The following IQUB variants were observed in gnomAD, a reference collection of about 807,000 sequenced individuals.
IQUB encodes the protein IQ motif and ubiquitin domain containing.
A neutral mutation model predicts 86.4 loss-of-function variants in IQUB; 86 were observed. The ratio of observed to expected loss-of-function variants is 1.00; its 90% confidence interval spans 0.84 to 1.19. The LOEUF (loss-of-function observed/expected upper bound fraction) is 1.19. IQUB is among the 50% of genes most tolerant of loss of function. The pLI, the probability that IQUB is intolerant of heterozygous loss-of-function variation, is 0.00. For synonymous variants in IQUB, 289 were observed against 304.5 expected, an observed-to-expected ratio of 0.95 and a Z score of 0.53; for missense variants, 946 against 916.9, an observed-to-expected ratio of 1.03 and a Z score of -0.41.
chr7:123,525,799 G>A (rs1483492070), intron 1 of IQUB, among the ~76,000 whole-genome samples: 1 of 151,690 alleles, frequency 6.6e-6, no homozygotes, highest in Non-Finnish European at 1.5e-5. Flanking sequence ...ATGTTAGGAT[G>A]TCAATTTTGG....
At chr7:123,480,461 A>G (rs964818716) in intron 7 of IQUB, among the ~76,000 whole-genome samples, 2 of 152,128 alleles carry the variant, frequency 1.3e-5, no homozygotes, top group African/African-American at 4.8e-5. Flanking sequence ...ATATGTGCCC[A>G]ACAGTGGACA....
rs185171929 is a variant in IQUB at position 123,505,063 on chromosome 7, A to C, written c.533-1700T>G. Among the ~76,000 whole-genome samples the C allele has an allele frequency of 3.0e-3, 454 of 152,346 alleles. 7 individuals are homozygous for C. Among genetic ancestry groups the C allele is most frequent in the Admixed American group, 0.026 (398 of 15,308 alleles). On this transcript the variant is annotated intron_variant, in intron 3 of 12. Coordinates refer to ENST00000324698, the MANE Select transcript of IQUB (RefSeq NM_178827.5). ...GGGCTACACATCTCATGCAAGTTCA[A>C]AACCCAGCAGGGCAGTTATTGAATC...
At chr7:123,529,645 G>A (rs1339222081) in intron 1 of IQUB, among the ~76,000 whole-genome samples, 8 of 145,538 alleles carry the variant, frequency 5.5e-5, no homozygotes, top group African/African-American at 7.6e-5. Flanking sequence ...CCAGCGCTTT[G>A]GGAGTCTAAA....
intron 1 of IQUB, among the ~76,000 whole-genome samples, chr7:123,528,348 A>T (rs572946779): frequency 4.4e-4 from 67 of 152,348 alleles, no homozygotes; most frequent in Non-Finnish European, 7.8e-4. Flanking sequence ...CCCCGAAAAA[A>T]ATACTTTTAA....
intron 3 of IQUB, among the ~76,000 whole-genome samples, chr7:123,508,941 C>T (rs1796303533): frequency 6.6e-6 from 1 of 152,108 alleles, no homozygotes; most frequent in African/African-American, 2.4e-5. Context: ...AATTAATCAC[C>T]AACACCAACA....
At chr7:123,513,652 T>G (rs1351889027) in intron 1 of IQUB, among the ~76,000 whole-genome samples, 1 of 152,152 alleles carries the variant, frequency 6.6e-6, no homozygotes, top group East Asian at 1.9e-4. Flanking sequence ...TTTTTATGTA[T>G]TATTTATTCT....
chr7:123,511,198 G>A (rs2117256733), intron 2 of IQUB, among the ~76,000 whole-genome samples: 1 of 152,146 alleles, frequency 6.6e-6, no homozygotes, highest in East Asian at 1.9e-4. Flanking sequence ...GCCAAACTAA[G>A]CTGCTGTTAT....
intron 11 of IQUB, 36 bp downstream of exon 11, chr7:123,461,321 G>A (rs1253267505): frequency 1.1e-5 from 17 of 1,563,930 alleles, no homozygotes; most frequent in Non-Finnish European, 1.5e-5. Flanking sequence ...TCCTTGACAA[G>A]CTTCAGCTAT....
At chr7:123,484,609 T>G (rs1193903510) in intron 7 of IQUB, among the ~76,000 whole-genome samples, 1 of 152,088 alleles carries the variant, frequency 6.6e-6, no homozygotes, top group Non-Finnish European at 1.5e-5. Context: ...GAGCACTAAG[T>G]TATTATTTTA....
chr7:123,489,148 C>T (rs901810223), intron 7 of IQUB, among the ~76,000 whole-genome samples: 2 of 152,162 alleles, frequency 1.3e-5, no homozygotes, highest in African/African-American at 4.8e-5. Flanking sequence ...CTATGTATAA[C>T]ATGAGAAAAC....
At chr7:123,491,042 A>C (rs1186052012) in intron 7 of IQUB, among the ~76,000 whole-genome samples, 1 of 152,164 alleles carries the variant, frequency 6.6e-6, no homozygotes, top group Non-Finnish European at 1.5e-5. Context: ...TTACAATAAA[A>C]TTAGAAATCA....
At chr7:123,453,155 A>AACTC (rs1303925792) in intron 12 of IQUB, among the ~76,000 whole-genome samples, 19 of 151,504 alleles carry the variant, frequency 1.3e-4, no homozygotes, top group Admixed American at 2.6e-4. Context: ...GCTAGTTATC[A>AACTC]ACTCAATATT....
rs557112638 is a variant in IQUB at position 123,534,555 on chromosome 7, A to T, written c.-68T>A. 7 of 153,582 alleles carry T rather than the reference A, an allele frequency of 4.6e-5. No individual in the cohort carries two copies. Among genetic ancestry groups the T allele is most frequent in the Admixed American group, 3.9e-4 (6 of 15,284 alleles). The allele number at this position is 153,582 out of a possible 1,614,324, so 9.5% of individuals were successfully genotyped here. A position where few individuals can be genotyped will look rare whatever the true frequency, so the allele number is the denominator to read the frequency against. The stretch of plus-strand genomic sequence containing the variant: ...CCCAGGCTCCTAAGACGCAGCTTCC[A>T]TACTCGCCGCGTTCTCAGCTGTTGG... On this transcript the variant is annotated 5_prime_UTR_variant, in exon 1 of 13. An upstream start codon of the reference 5' UTR is lost. Coordinates refer to ENST00000324698, the MANE Select transcript of IQUB (RefSeq NM_178827.5).
chr7:123,462,774 C>T (rs190437782), intron 10 of IQUB: 15 of 450,916 alleles, frequency 3.3e-5, no homozygotes, highest in African/African-American at 1.8e-4. Context: ...CGTTAGCACA[C>T]GTCTCCATTA....
chr7:123,508,615 T>C (rs1467593794), intron 3 of IQUB, among the ~76,000 whole-genome samples: 2 of 152,206 alleles, frequency 1.3e-5, no homozygotes, highest in Non-Finnish European at 2.9e-5. Flanking sequence ...TCATGAGGTA[T>C]AAAGAACAGA....
intron 12 of IQUB, among the ~76,000 whole-genome samples, chr7:123,454,898 G>GTGTT (rs1243833790): frequency 2.0e-5 from 3 of 152,120 alleles, no homozygotes; most frequent in South Asian, 2.1e-4. Context: ...GGCTGAGGTA[G>GTGTT]TGTTTGTCAA....
chr7:123,522,953 GT>G (rs1448706059), intron 1 of IQUB, among the ~76,000 whole-genome samples: 6 of 148,096 alleles, frequency 4.1e-5, no homozygotes, highest in Non-Finnish European at 7.4e-5. Context: ...AATATGCGGT[GT>G]TTGGTTTTTT....
intron 11 of IQUB, among the ~76,000 whole-genome samples, chr7:123,460,759 G>C (rs1030183612): frequency 6.6e-6 from 1 of 151,868 alleles, no homozygotes; most frequent in Admixed American, 6.6e-5. Context: ...CAAAGAGACC[G>C]AAGTAGTGGT....
chr7:123,531,061 A>G (rs1797517422), intron 1 of IQUB, among the ~76,000 whole-genome samples: 1 of 152,242 alleles, frequency 6.6e-6, no homozygotes, highest in Non-Finnish European at 1.5e-5. Flanking sequence ...AACTTGCTTA[A>G]GATCACAGAG....
Sources: gnomAD v4.1 joint callset for allele counts (sites outside exome capture counted in the v4.1 genomes callset) on GRCh38, gnomAD v4.1.1 for gene constraint, MANE v1.5 for transcripts, NCBI Gene and HGNC (gene_info 2026-07-23, HGNC 2026-07-21) for gene names.